IQSEC1: variants seen among roughly 807,000 people sequenced by gnomAD.
The protein encoded by IQSEC1 is IQ motif and Sec7 domain ArfGEF 1.
A neutral mutation model predicts 91.0 loss-of-function variants in IQSEC1; 31 were observed. That is an observed-to-expected ratio of 0.34 (90% CI 0.26 to 0.46). IQSEC1 has a LOEUF of 0.46. Ranked by LOEUF, IQSEC1 falls within the 20% of genes least tolerant of loss-of-function variation. IQSEC1 has a pLI of 1.00. For missense variants in IQSEC1, 1,388 were observed against 1,575.6 expected, an observed-to-expected ratio of 0.88 and a Z score of 2.02; for synonymous variants, 699 against 662.6, an observed-to-expected ratio of 1.05 and a Z score of -0.84.
At chr3:12,968,625 G>A (rs1287061598) in intron 1 of IQSEC1, among the ~76,000 whole-genome samples, 1 of 152,136 alleles carries the variant, frequency 6.6e-6, no homozygotes, top group Non-Finnish European at 1.5e-5. Flanking sequence ...TCCTCCATTT[G>A]TATGTTTACT....
chr3:12,901,052 C>T lies in IQSEC1; in HGVS notation c.3276G>A (p.Gly1092=), dbSNP rs1275257932. ...AHVGHTVHHH[G]QPPAPPPPTS... is the part of the protein sequence containing the mutation. The stretch of plus-strand genomic sequence containing the variant: ...TGGGGGGCGGCGGGGCAGGGGGCTG[C>T]CCATGGTGGTGCACTGTGTGCCCCA... Residue 1092 remains glycine, a synonymous_variant, in exon 14 of 14, where the codon GGG becomes GGA. Coordinates refer to ENST00000613206, the MANE Select transcript of IQSEC1 (RefSeq NM_001134382.3). The T allele has an allele frequency of 1.3e-6, 2 of 1,542,220 alleles. No individual in the cohort carries two copies. Among genetic ancestry groups the T allele is most frequent in the Non-Finnish European group, 1.7e-6 (2 of 1,146,390 alleles).
At chr3:13,200,921 G>A (rs1329378563) in intron 1 of IQSEC1, among the ~76,000 whole-genome samples, 1 of 152,176 alleles carries the variant, frequency 6.6e-6, no homozygotes, top group African/African-American at 2.4e-5. Flanking sequence ...AGTTAACAGT[G>A]GAAAGCCGTA....
At chr3:13,146,100 G>T (rs1706891660) in intron 2 of IQSEC1, among the ~76,000 whole-genome samples, 1 of 151,886 alleles carries the variant, frequency 6.6e-6, no homozygotes, top group Non-Finnish European at 1.5e-5. Flanking sequence ...TGATCCTCTT[G>T]CCTCAACCTC....
rs1473596462 is a variant in IQSEC1, at chr3:13,207,235, C to G, written c.273-43102G>C. 1.3e-5 allele frequency among the ~76,000 whole-genome samples: 2 copies of G among 152,122 alleles called. No homozygotes were observed. The highest frequency in any genetic ancestry group is 2.4e-5 in the African/African-American group (1 of 41,416). ...ACCAAGCTCTTGACCCTGACCTTCC[C>G]CACCTCCGCTCAAACCTTCCCACCA... On this transcript the variant is annotated intron_variant, in intron 1 of 15. Transcript: ENST00000648114. The surrounding 1 kb of genome is among the most constrained non-coding windows in gnomAD (Gnocchi z 4.8).
At chr3:13,191,477 A>ATTTTTTTTTT (rs57912681) in intron 1 of IQSEC1, among the ~76,000 whole-genome samples, 39 of 92,106 alleles carry the variant, frequency 4.2e-4, no homozygotes, top group East Asian at 2.0e-3. Flanking sequence ...CACCCAGCTA[A>ATTTTTTTTTT]TTTTTTTTTT....
chr3:13,194,605 C>T (rs1694094652), intron 1 of IQSEC1, among the ~76,000 whole-genome samples: 1 of 152,198 alleles, frequency 6.6e-6, no homozygotes, highest in Non-Finnish European at 1.5e-5. Context: ...TAAGGCCCAC[C>T]ACAAACCTAT....
intron 1 of IQSEC1, among the ~76,000 whole-genome samples, chr3:13,253,595 A>G (rs1012175649): frequency 2.0e-5 from 3 of 152,248 alleles, no homozygotes; most frequent in Non-Finnish European, 1.5e-5. Flanking sequence ...TCAAAATATT[A>G]GATAAGGGGT....
At chr3:13,154,032 C>T (rs1302727075) in intron 2 of IQSEC1, among the ~76,000 whole-genome samples, 7 of 152,022 alleles carry the variant, frequency 4.6e-5, no homozygotes, top group South Asian at 2.1e-4. Flanking sequence ...GGATGAAAAT[C>T]GAGGACGGAT....
rs905891843 is a variant in IQSEC1, at chr3:12,899,129, C to T, written c.*1854G>A. 4.1e-5 allele frequency: 22 copies of T among 530,510 alleles called. No homozygotes were observed. Among genetic ancestry groups the T allele is most frequent in the Admixed American group, 1.6e-4 (5 of 30,378 alleles). The allele number at this position is 530,510 out of a possible 1,614,324, so 32.9% of individuals were successfully genotyped here. On this transcript the variant is annotated 3_prime_UTR_variant, in exon 14 of 14. Coordinates refer to ENST00000613206, the MANE Select transcript of IQSEC1 (RefSeq NM_001134382.3). ...ACAAAGTGCTTGGTTTGCAGATTTG[C>T]TGGTACGGTGATCTCAATGATATGA...
chr3:13,279,764 T>C (rs1368757707), intron 1 of IQSEC1, among the ~76,000 whole-genome samples: 2 of 152,122 alleles, frequency 1.3e-5, no homozygotes, highest in Admixed American at 1.3e-4. Flanking sequence ...GGCCTCTGTG[T>C]GCAGGTAGGG....
Position 12,915,695 on chromosome 3 carries a change from T to G in IQSEC1, c.2059A>C (p.Met687Leu). 1.9e-6 allele frequency: 3 copies of G among 1,614,140 alleles called. No individual in the cohort carries two copies. The highest frequency in any genetic ancestry group is 2.7e-5 in the African/African-American group (2 of 75,058). ...TTACGGATCCGTTCATAGATCCCCA[T>G]CAGCATCTCACGGGGAATGTCCTCA... ...DGEDIPREML[M>L]GIYERIRKRE... The change falls in exon 7 of 14, where the codon ATG becomes CTG. Residue 687 changes from methionine to leucine, a missense_variant. By Grantham distance (15) the Met-to-Leu change is conservative. Coordinates refer to ENST00000613206, the MANE Select transcript of IQSEC1 (RefSeq NM_001134382.3).
In IQSEC1 at chr3:13,073,070, C is replaced by T. The variant is rs1705489557; in HGVS notation, c.-56G>A. On this transcript the variant is annotated 5_prime_UTR_variant, in exon 1 of 14. Transcript: ENST00000613206. The stretch of plus-strand genomic sequence containing the variant: ...CTCCCTCTCCAGCGGGGAGGCTCAA[C>T]GTGTTTCCAAGAGGAGCAGGCGGCT... The T allele has an allele frequency of 6.5e-7, 1 of 1,549,106 alleles. No individual in the cohort carries two copies. The highest frequency in any genetic ancestry group is 2.5e-5 in the East Asian group (1 of 40,784).
chr3:12,997,742 GA>G (rs1271113616), intron 1 of IQSEC1, among the ~76,000 whole-genome samples: 3 of 151,820 alleles, frequency 2.0e-5, no homozygotes, highest in Admixed American at 6.6e-5. Flanking sequence ...AAATCAATAA[GA>G]AAAAAACATG....
intron 1 of IQSEC1, among the ~76,000 whole-genome samples, chr3:12,963,757 C>A (rs898471814): frequency 6.6e-6 from 1 of 152,218 alleles, no homozygotes; most frequent in Non-Finnish European, 1.5e-5. Flanking sequence ...ACACTACTAA[C>A]CTCAGTGCTT....
chr3:13,176,580 C>T (rs999942961), intron 1 of IQSEC1, among the ~76,000 whole-genome samples: 20 of 152,332 alleles, frequency 1.3e-4, no homozygotes, highest in African/African-American at 4.8e-4. Context: ...TCAAAACAAG[C>T]CCCAGGTCCC....
Position 12,936,680 on chromosome 3 carries a change from T to G in IQSEC1, c.336A>C (p.Arg112=). The change falls in exon 3 of 14, where the codon CGA becomes CGC. Residue 112 remains arginine, a synonymous_variant. Transcript: ENST00000613206. Reference sequence around the variant, plus strand: ...GGGTTACCAGGCGCCCCCCATACTTTCGTTCTAGCATCTCCACCTGCGGGT... The same window carrying G: ...GGGTTACCAGGCGCCCCCCATACTTGCGTTCTAGCATCTCCACCTGCGGGT... ...LQDKQVEMLE[R]KYGGRLVTRH... 6.3e-7 allele frequency: 1 copy of G among 1,584,376 alleles called. No individual in the cohort carries two copies. Among genetic ancestry groups the G allele is most frequent in the Non-Finnish European group, 8.6e-7 (1 of 1,164,558 alleles).
intron 1 of IQSEC1, among the ~76,000 whole-genome samples, chr3:13,194,868 A>C (rs1046007737): frequency 1.3e-5 from 2 of 152,306 alleles, no homozygotes; most frequent in African/African-American, 4.8e-5. Flanking sequence ...CATCGGCTTA[A>C]ATGGAAAATG....
At chr3:13,120,623 A>T (rs1420272320) in intron 2 of IQSEC1, among the ~76,000 whole-genome samples, 1 of 152,216 alleles carries the variant, frequency 6.6e-6, no homozygotes, top group Non-Finnish European at 1.5e-5. Flanking sequence ...TTACAATGCA[A>T]TCTGAGATGG....
intron 1 of IQSEC1, among the ~76,000 whole-genome samples, chr3:13,171,823 C>G (rs1693620652): frequency 6.6e-6 from 1 of 152,190 alleles, no homozygotes; most frequent in African/African-American, 2.4e-5. Context: ...CAGCAGAGAG[C>G]TTCCTGCCCA....
Sources: allele counts gnomAD v4.1 joint callset (sites outside exome capture counted in the v4.1 genomes callset), GRCh38; gene constraint gnomAD v4.1.1; non-coding constraint Gnocchi (gnomAD v3.1); transcripts MANE v1.5; gene names NCBI Gene and HGNC (gene_info 2026-07-23, HGNC 2026-07-21).